Variants in THADA observed in about 807,000 individuals in gnomAD.
THADA encodes the protein tRNA (32-2'-O)-methyltransferase regulator THADA.
A neutral mutation model predicts 219.8 loss-of-function variants in THADA; 213 were observed. The observed-to-expected ratio is 0.97, with a 90% CI of 0.87 to 1.09. The LOEUF (loss-of-function observed/expected upper bound fraction) is 1.09, where lower values mean the gene tolerates loss of function less well. Among genes scored for constraint, THADA ranks in the 50% least tolerant of loss-of-function variants. The pLI is 0.00. For synonymous variants in THADA, 1,018 were observed against 828.9 expected (o/e 1.23, Z -3.92); for missense variants, 2,956 against 2,311.3 (o/e 1.28, Z -5.72).
At chr2:43,421,535 T>C (rs1677720042) in intron 28 of THADA, among the ~76,000 whole-genome samples, 1 of 152,176 alleles carries the variant, frequency 6.6e-6, no homozygotes, top group Non-Finnish European at 1.5e-5. Flanking sequence ...GGCAACTCTG[T>C]TCAAGATACT....
intron 26 of THADA, among the ~76,000 whole-genome samples, chr2:43,459,819 T>G (rs1466438273): frequency 6.6e-6 from 1 of 152,170 alleles, no homozygotes; most frequent in Non-Finnish European, 1.5e-5. Flanking sequence ...TACTGTAGAC[T>G]TGTTTTTTAA....
At chr2:43,385,970 C>A (rs1307048269) in intron 29 of THADA, among the ~76,000 whole-genome samples, 1 of 151,740 alleles carries the variant, frequency 6.6e-6, no homozygotes, top group Non-Finnish European at 1.5e-5. Flanking sequence ...AGAAATTTTA[C>A]TTTATAAAGA....
intron 29 of THADA, among the ~76,000 whole-genome samples, chr2:43,388,097 A>T (rs1377049092): frequency 1.3e-5 from 2 of 152,224 alleles, no homozygotes; most frequent in African/African-American, 4.8e-5. Flanking sequence ...GTGCAATCTC[A>T]AATATGCTAT....
chr2:43,534,079 T>C (rs17031001), intron 21 of THADA, among the ~76,000 whole-genome samples: 8 of 152,072 alleles, frequency 5.3e-5, no homozygotes, highest in Admixed American at 4.6e-4. Context: ...CAAATATGTA[T>C]TTTTTATAAA....
chr2:43,246,117 A>G (rs1669119071), intron 36 of THADA, among the ~76,000 whole-genome samples: 1 of 151,992 alleles, frequency 6.6e-6, no homozygotes, highest in Non-Finnish European at 1.5e-5. Flanking sequence ...AGAATCCAGA[A>G]AGTCTGCTTA....
chr2:43,286,772 A>G, intron 35 of THADA, 136 bp downstream of exon 35: 6 of 981,990 alleles, frequency 6.1e-6, no homozygotes, highest in Non-Finnish European at 8.9e-6. Context: ...ATGAACTAAG[A>G]CGGTAGGAAT....
In THADA at chr2:43,525,469, GGCTGATTCT is replaced by G. The variant is rs1305358002; in HGVS notation, c.3374+2401_3374+2409del. Among the ~76,000 whole-genome samples the G allele has an allele frequency of 5.3e-5, 8 of 152,268 alleles. No individual in the cohort carries two copies. The South Asian group carries it at 6.2e-4, about 12-fold the overall frequency. ...GGTCAGAAAAGAGCATACAGCTTCT[GGCTGATTCT>G]CTTGGAATACTCTCTCTGGGGGAAG... On this transcript the variant is annotated intron_variant, in intron 22 of 37. Transcript: ENST00000405975.
At chr2:43,325,621 C>G (rs1679232807) in intron 30 of THADA, among the ~76,000 whole-genome samples, 1 of 151,540 alleles carries the variant, frequency 6.6e-6, no homozygotes, top group African/African-American at 2.4e-5. Flanking sequence ...AGAAAAGGAG[C>G]TAGGAGGAAG....
At chr2:43,466,107 T>C (rs1373906603) in intron 26 of THADA, among the ~76,000 whole-genome samples, 1 of 152,198 alleles carries the variant, frequency 6.6e-6, no homozygotes, top group Non-Finnish European at 1.5e-5. Flanking sequence ...CTCATGCTCC[T>C]CTCTTCTCAC....
At chr2:43,536,391 C>G (rs1361481839) in intron 21 of THADA, among the ~76,000 whole-genome samples, 1 of 151,948 alleles carries the variant, frequency 6.6e-6, no homozygotes, top group Non-Finnish European at 1.5e-5. Flanking sequence ...TTACCTCCAG[C>G]AAAATAATTT....
intron 21 of THADA, among the ~76,000 whole-genome samples, chr2:43,533,661 G>C (rs1291523446): frequency 6.6e-6 from 1 of 152,144 alleles, no homozygotes; most frequent in Non-Finnish European, 1.5e-5. Context: ...AACACCACAT[G>C]TTCTCATTCA....
At chr2:43,398,209 A>C in intron 28 of THADA, 70 bp from the exon 29 acceptor site, 1 of 1,512,336 alleles carries the variant, frequency 6.6e-7, no homozygotes, top group Non-Finnish European at 9.1e-7. Flanking sequence ...ATATACTTAC[A>C]TTCTATCTAG....
At chr2:43,546,310 T>C (rs1438510942) in intron 20 of THADA, among the ~76,000 whole-genome samples, 3 of 152,158 alleles carry the variant, frequency 2.0e-5, no homozygotes, top group South Asian at 2.1e-4. Flanking sequence ...AATTTTGGAA[T>C]AGGTGTGGTG....
intron 24 of THADA, among the ~76,000 whole-genome samples, chr2:43,502,581 T>A (rs1689132382): frequency 9.3e-6 from 1 of 107,790 alleles, no homozygotes; most frequent in South Asian, 2.7e-4. Context: ...TGAGACCTCG[T>A]CTCAAAAAAA....
At position 43,586,676 on chromosome 2, in the gene THADA, G is replaced by C. The variant is rs755724118; in HGVS notation, c.484+26C>G. 13 of 1,601,856 alleles carry C rather than the reference G, an allele frequency of 8.1e-6. No individual in the cohort carries two copies. The South Asian group carries it at 1.5e-4, about 18-fold the overall frequency. ...GACTCATACAAGCCATCAACTCATG[G>C]AACAAAATAAAATAATAGGACTTAC... On this transcript the variant is annotated intron_variant, in intron 6 of 37. Transcript: ENST00000405975.
intron 17 of THADA, among the ~76,000 whole-genome samples, chr2:43,554,675 A>G (rs1400638497): frequency 3.3e-5 from 5 of 152,198 alleles, no homozygotes; most frequent in Admixed American, 3.3e-4. Flanking sequence ...GATGTGATGC[A>G]ATACAAGTCT....
intron 11 of THADA, among the ~76,000 whole-genome samples, chr2:43,573,466 A>G (rs559985034): frequency 2.6e-5 from 4 of 152,356 alleles, no homozygotes; most frequent in Admixed American, 6.5e-5. Flanking sequence ...GACGTCAGCC[A>G]TTACCAAGAA....
rs368833762 is a variant in THADA, at chr2:43,586,831, G to A, written c.451+23C>T. ...TGATGAGAGGGGTTAGCCAGAAAAA[G>A]GACTAGAAAAGTGCAGCCTTACCCA... On this transcript the variant is annotated intron_variant, in intron 5 of 37. Coordinates refer to ENST00000405975, the MANE Select transcript of THADA (RefSeq NM_022065.5). The A allele has an allele frequency of 6.2e-6, 10 of 1,612,098 alleles. No individual in the cohort carries two copies. The South Asian group carries it at 8.8e-5, about 14-fold the overall frequency.
At chr2:43,426,794 AC>A (rs972340551) in intron 28 of THADA, among the ~76,000 whole-genome samples, 6 of 152,234 alleles carry the variant, frequency 3.9e-5, no homozygotes, top group African/African-American at 1.4e-4. Context: ...TTGGTTTCTT[AC>A]CCTTCTGCTC....
Sources: gnomAD v4.1 joint callset for allele counts (sites outside exome capture counted in the v4.1 genomes callset) on GRCh38, gnomAD v4.1.1 for gene constraint, MANE v1.5 for transcripts, NCBI Gene and HGNC (gene_info 2026-07-23, HGNC 2026-07-21) for gene names.